CDH13: variants seen among roughly 807,000 people sequenced by gnomAD.
CDH13 encodes cadherin 13.
In CDH13, 24 loss-of-function variants were observed where a neutral mutation model predicts 63.8. That is an observed-to-expected ratio of 0.38 (90% CI 0.27 to 0.53). CDH13 has a LOEUF of 0.53. Ranked by LOEUF, CDH13 falls within the 20% of genes least tolerant of loss-of-function variation. CDH13 has a pLI of 0.85. For missense variants in CDH13, 1,049 were observed against 903.1 expected (o/e 1.16, Z -2.07); for synonymous variants, 503 against 355.3 (o/e 1.42, Z -4.67).
At chr16:83,636,727 G>T (rs539900129) in intron 8 of CDH13, among the ~76,000 whole-genome samples, 3 of 152,324 alleles carry the variant, frequency 2.0e-5, no homozygotes, top group East Asian at 1.9e-4. Flanking sequence ...ATATATGGGT[G>T]CATGTGTCTT....
rs143865628 is a variant in CDH13 at position 83,281,111 on chromosome 16, G to T, written c.636+63614G>T. Among the ~76,000 whole-genome samples, 116 of 152,250 alleles carry T rather than the reference G, an allele frequency of 7.6e-4. No homozygotes were observed. In the East Asian group the frequency reaches 0.021, roughly 27 times the overall value. On this transcript the variant is annotated intron_variant, in intron 5 of 13. Coordinates refer to ENST00000567109, the MANE Select transcript of CDH13 (RefSeq NM_001257.5). ...ATCTCTAGCTATGAAAGTCCTACAC[G>T]GCATCTTCTTTCAATTGAAGGCTGT...
intron 11 of CDH13, 68 bp from the exon 12 acceptor site, chr16:83,779,900 A>G: frequency 9.6e-7 from 1 of 1,043,802 alleles, no homozygotes; most frequent in Non-Finnish European, 1.4e-6. Context: ...TTACAATGCA[A>G]AAAGTGCTAT....
intron 2 of CDH13, among the ~76,000 whole-genome samples, chr16:82,983,048 T>A (rs1228357468): frequency 6.6e-6 from 1 of 152,132 alleles, no homozygotes; most frequent in Non-Finnish European, 1.5e-5. Context: ...CTGAAGCCCA[T>A]GACAGTATTT....
At chr16:83,264,455 A>G (rs1361867729) in intron 5 of CDH13, among the ~76,000 whole-genome samples, 1 of 152,078 alleles carries the variant, frequency 6.6e-6, no homozygotes. Flanking sequence ...GGATATATAC[A>G]TCGTATATAT....
chr16:82,917,293 G>C (rs77848015), intron 2 of CDH13, among the ~76,000 whole-genome samples: 12 of 152,200 alleles, frequency 7.9e-5, no homozygotes, highest in African/African-American at 2.9e-4. Context: ...ATGGAAGAAC[G>C]CTCAGGGTTA....
chr16:83,602,231 T>A (rs567998118), intron 7 of CDH13, among the ~76,000 whole-genome samples: 2 of 150,488 alleles, frequency 1.3e-5, no homozygotes, highest in South Asian at 4.2e-4. Flanking sequence ...GTAAATATAT[T>A]GTCCCCATGG....
chr16:83,051,722 G>T (rs1036509378), intron 3 of CDH13, among the ~76,000 whole-genome samples: 6 of 152,142 alleles, frequency 3.9e-5, no homozygotes, highest in African/African-American at 1.4e-4. Context: ...AGCCAGATCT[G>T]AACCTCCTGC....
rs148005798 is a variant in CDH13, at chr16:83,346,078, G to A, written c.781+1072G>A. Among the ~76,000 whole-genome samples, 5 of 152,186 alleles carry A rather than the reference G, an allele frequency of 3.3e-5. 1 individual carries two copies. Among genetic ancestry groups the A allele is most frequent in the Middle Eastern group, 6.8e-3 (2 of 294 alleles). ...TCAAGGAGCTGGGTCTTTATGCACT[G>A]CATCAGATCCCCCAAGGGCAAGAGC... On this transcript the variant is annotated intron_variant, in intron 6 of 13. Transcript: ENST00000567109.
intron 8 of CDH13, among the ~76,000 whole-genome samples, chr16:83,665,157 C>G (rs1157570337): frequency 6.8e-6 from 1 of 147,608 alleles, no homozygotes; most frequent in Non-Finnish European, 1.5e-5. Flanking sequence ...GTGTGAGTGC[C>G]AGGCATACAT....
chr16:83,731,524 T>C (rs969005521), intron 10 of CDH13, among the ~76,000 whole-genome samples: 1 of 152,244 alleles, frequency 6.6e-6, no homozygotes, highest in Non-Finnish European at 1.5e-5. Context: ...GTTTGCTTGT[T>C]GAGTTGTTAA....
At chr16:82,750,420 C>G (rs529293241) in intron 1 of CDH13, among the ~76,000 whole-genome samples, 1 of 152,282 alleles carries the variant, frequency 6.6e-6, no homozygotes, top group Admixed American at 6.5e-5. Context: ...CCCACTCTCT[C>G]CTTCTTTAGG....
At chr16:82,956,003 C>G (rs1906035435) in intron 2 of CDH13, among the ~76,000 whole-genome samples, 1 of 152,198 alleles carries the variant, frequency 6.6e-6, no homozygotes, top group Non-Finnish European at 1.5e-5. Context: ...GTACTAGACA[C>G]TGCCTCTTGG....
chr16:83,243,549 C>A (rs926552752), intron 5 of CDH13, among the ~76,000 whole-genome samples: 2 of 152,082 alleles, frequency 1.3e-5, no homozygotes, highest in Non-Finnish European at 2.9e-5. Context: ...GGGACACAGC[C>A]AAATCATATC....
intron 1 of CDH13, among the ~76,000 whole-genome samples, chr16:82,665,335 A>G (rs1912459662): frequency 6.6e-6 from 1 of 152,178 alleles, no homozygotes; most frequent in Non-Finnish European, 1.5e-5. Context: ...CATGAGTTAC[A>G]GTGCTGCTGG....
chr16:83,030,894 C>T lies in CDH13; in HGVS notation c.158-1116C>T, dbSNP rs565542307. Among the ~76,000 whole-genome samples the T allele has an allele frequency of 3.9e-5, 6 of 151,906 alleles. No individual in the cohort carries two copies. In the South Asian group the frequency reaches 8.3e-4, roughly 21 times the overall value. Reference sequence around the variant, plus strand: ...TTCTAGATTCCCACCATCCCTGCCCCGTTTTAAGTTTGCCTCTATTCACCT... The same window carrying T: ...TTCTAGATTCCCACCATCCCTGCCCTGTTTTAAGTTTGCCTCTATTCACCT... On this transcript the variant is annotated intron_variant, in intron 2 of 13. Transcript: ENST00000567109.
intron 5 of CDH13, among the ~76,000 whole-genome samples, chr16:83,307,457 G>C (rs2089906089): frequency 6.6e-6 from 1 of 152,152 alleles, no homozygotes; most frequent in Non-Finnish European, 1.5e-5. Context: ...TAAGTGAATT[G>C]CACTTGTCTG....
At position 83,782,235 on chromosome 16, in the gene CDH13, C is replaced by T. The variant is rs149443620; in HGVS notation, c.1916-1019C>T. 4.5e-3 allele frequency among the ~76,000 whole-genome samples: 682 copies of T among 152,156 alleles called. 6 individuals are homozygous for T. Among genetic ancestry groups the T allele is most frequent in the Middle Eastern group, 0.02 (6 of 294 alleles). On this transcript the variant is annotated intron_variant, in intron 12 of 13. Coordinates refer to ENST00000567109, the MANE Select transcript of CDH13 (RefSeq NM_001257.5). ...AGGGGCACTTAAAAATACATATGACCCTAATCATGTGAGTGACTTTATCTC... is the reference window on the plus strand; with the variant it reads ...AGGGGCACTTAAAAATACATATGACTCTAATCATGTGAGTGACTTTATCTC...
chr16:83,547,902 G>T lies in CDH13; in HGVS notation c.961-54552G>T, dbSNP rs557389391. The stretch of plus-strand genomic sequence containing the variant: ...CTATCCTGGGGCATCAGGAGCTGCT[G>T]GGGGAGGGAAATGGTATAAGACAGC... On this transcript the variant is annotated intron_variant, in intron 7 of 13. Transcript: ENST00000567109. Among the ~76,000 whole-genome samples the T allele has an allele frequency of 2.0e-5, 3 of 152,270 alleles. No homozygotes were observed. The East Asian group carries it at 5.8e-4, about 29-fold the overall frequency.
intron 11 of CDH13, among the ~76,000 whole-genome samples, chr16:83,760,324 C>T (rs1913861385): frequency 6.6e-6 from 1 of 152,176 alleles, no homozygotes; most frequent in South Asian, 2.1e-4. Flanking sequence ...CATACATATG[C>T]CCTATGTTCC....
Sources: gnomAD v4.1 joint callset for allele counts (sites outside exome capture counted in the v4.1 genomes callset) on GRCh38, gnomAD v4.1.1 for gene constraint, MANE v1.5 for transcripts, NCBI Gene and HGNC (gene_info 2026-07-23, HGNC 2026-07-21) for gene names.